FMN1: variants seen among roughly 807,000 people sequenced by gnomAD.
The protein encoded by FMN1 is formin 1.
In FMN1, 110 loss-of-function variants were observed where a neutral mutation model predicts 132.4. That is an observed-to-expected ratio of 0.83 (90% CI 0.71 to 0.97). The LOEUF (loss-of-function observed/expected upper bound fraction) is 0.97. Ranked by LOEUF, FMN1 falls within the 50% of genes least tolerant of loss-of-function variation. FMN1 has a pLI of 0.00. For missense variants in FMN1, 1,792 were observed against 1,705.3 expected (o/e 1.05, Z -0.90); for synonymous variants, 722 against 651.7 (o/e 1.11, Z -1.64).
At chr15:32,991,547 C>T (rs745361859) in intron 7 of FMN1, among the ~76,000 whole-genome samples, 6 of 152,152 alleles carry the variant, frequency 3.9e-5, no homozygotes, top group African/African-American at 1.4e-4. Flanking sequence ...GCTGCAGCCT[C>T]GTGTTCTTTC....
In FMN1 at chr15:33,067,201, A is replaced by G. The variant is rs769189545; in HGVS notation, c.2044-2127T>C. ...CTCCCACCTGGTCCTGGCTGGGGCGACGCTCTGTCTGAAGACCACCGTTGC... is the reference window on the plus strand; with the variant it reads ...CTCCCACCTGGTCCTGGCTGGGGCGGCGCTCTGTCTGAAGACCACCGTTGC... On this transcript the variant is annotated intron_variant, in intron 5 of 20. Transcript: ENST00000616417. The G allele has an allele frequency of 3.7e-6, 6 of 1,613,520 alleles. No individual in the cohort carries two copies. The South Asian group carries it at 6.6e-5, about 18-fold the overall frequency.
intron 17 of FMN1, among the ~76,000 whole-genome samples, chr15:32,809,014 G>C (rs2057778430): frequency 6.6e-6 from 1 of 150,876 alleles, no homozygotes; most frequent in East Asian, 1.9e-4. Context: ...TTTATTTGCT[G>C]TTTCAGCTCA....
intron 4 of FMN1, among the ~76,000 whole-genome samples, chr15:33,144,083 G>A (rs1964113690): frequency 6.6e-6 from 1 of 152,122 alleles, no homozygotes; most frequent in Non-Finnish European, 1.5e-5. Flanking sequence ...GAAATGATTG[G>A]GAGGAAGAAA....
intron 6 of FMN1, among the ~76,000 whole-genome samples, chr15:33,020,020 C>T (rs900289496): frequency 1.3e-5 from 2 of 152,142 alleles, no homozygotes; most frequent in African/African-American, 4.8e-5. Flanking sequence ...AGCATGCTGT[C>T]ACCTCTCACT....
chr15:33,145,187 G>T (rs1221013827), intron 4 of FMN1, among the ~76,000 whole-genome samples: 2 of 151,888 alleles, frequency 1.3e-5, no homozygotes, highest in African/African-American at 2.4e-5. Flanking sequence ...GCTGCACAAG[G>T]TGCCTCTTGA....
chr15:33,031,309 G>A (rs150649196), intron 6 of FMN1, among the ~76,000 whole-genome samples: 9 of 152,270 alleles, frequency 5.9e-5, no homozygotes, highest in African/African-American at 2.2e-4. Context: ...ACCATCAGGA[G>A]GAGCCAGCAC....
intron 6 of FMN1, among the ~76,000 whole-genome samples, chr15:33,042,411 G>A (rs1177912430): frequency 6.6e-6 from 1 of 152,094 alleles, no homozygotes; most frequent in Non-Finnish European, 1.5e-5. Context: ...ATACAAGAGT[G>A]TAAGTGCCTA....
At chr15:32,901,069 G>A (rs1325656424) in intron 13 of FMN1, among the ~76,000 whole-genome samples, 1 of 151,972 alleles carries the variant, frequency 6.6e-6, no homozygotes, top group Non-Finnish European at 1.5e-5. Context: ...CAGGAGAATC[G>A]CTTGAGCCCT....
chr15:32,871,570 T>C (rs2059518047), intron 16 of FMN1, among the ~76,000 whole-genome samples: 1 of 152,156 alleles, frequency 6.6e-6, no homozygotes, highest in Non-Finnish European at 1.5e-5. Context: ...GCCACATCTG[T>C]GTCCATACAA....
intron 6 of FMN1, among the ~76,000 whole-genome samples, chr15:33,048,537 T>TA (rs946387734): frequency 2.1e-5 from 3 of 144,354 alleles, no homozygotes; most frequent in East Asian, 2.1e-4. Flanking sequence ...TTGAGACTAC[T>TA]AAAAAAAAAG....
intron 4 of FMN1, among the ~76,000 whole-genome samples, chr15:33,133,580 G>A (rs1224216394): frequency 6.6e-6 from 1 of 152,196 alleles, no homozygotes; most frequent in African/African-American, 2.4e-5. Context: ...AAATAGAGAT[G>A]AGGCTAGATG....
intron 17 of FMN1, among the ~76,000 whole-genome samples, chr15:32,820,285 G>A (rs1057273748): frequency 6.6e-6 from 1 of 152,054 alleles, no homozygotes; most frequent in Non-Finnish European, 1.5e-5. Context: ...CATAAAAAGC[G>A]GGCTCAACCT....
chr15:32,941,698 G>C (rs1187598057), intron 9 of FMN1, among the ~76,000 whole-genome samples: 3 of 152,072 alleles, frequency 2.0e-5, no homozygotes, highest in Non-Finnish European at 2.9e-5. Context: ...TATTTTACCT[G>C]ATGTTTGGCT....
chr15:32,888,161 G>C lies in FMN1; in HGVS notation c.3835+11C>G. On this transcript the variant is annotated intron_variant, in intron 16 of 20. Transcript: ENST00000616417. ...TAGCTATTATCATAATAGCAGAACAGTTCCTATTACCTTCTAGTTGCCTCT... is the reference window on the plus strand; with the variant it reads ...TAGCTATTATCATAATAGCAGAACACTTCCTATTACCTTCTAGTTGCCTCT... The C allele has an allele frequency of 6.3e-7, 1 of 1,598,934 alleles. No individual in the cohort carries two copies. Among genetic ancestry groups the C allele is most frequent in the Non-Finnish European group, 8.5e-7 (1 of 1,174,256 alleles).
At chr15:33,187,833 T>C (rs956898088) in intron 2 of FMN1, among the ~76,000 whole-genome samples, 19 of 152,134 alleles carry the variant, frequency 1.2e-4, no homozygotes, top group African/African-American at 4.6e-4. Flanking sequence ...GAAATGAACA[T>C]GGTTTCTAAA....
At chr15:32,919,810 G>A (rs1434474406) in intron 10 of FMN1, among the ~76,000 whole-genome samples, 3 of 152,158 alleles carry the variant, frequency 2.0e-5, no homozygotes, top group Non-Finnish European at 4.4e-5. Context: ...TTACGTTTTA[G>A]ACAACTTGCA....
intron 10 of FMN1, among the ~76,000 whole-genome samples, chr15:32,922,265 G>C (rs1009372526): frequency 1.3e-5 from 2 of 152,152 alleles, no homozygotes; most frequent in African/African-American, 4.8e-5. Flanking sequence ...TTTTGTCCAA[G>C]TGCACTGGAA....
intron 9 of FMN1, among the ~76,000 whole-genome samples, chr15:32,945,040 C>A (rs548028471): frequency 2.6e-5 from 4 of 152,126 alleles, no homozygotes; most frequent in Admixed American, 6.5e-5. Context: ...TTCAAGTCAA[C>A]AGTTGGTGAC....
chr15:33,066,851 A>G, intron 5 of FMN1: 1 of 1,613,850 alleles, frequency 6.2e-7, no homozygotes, highest in Non-Finnish European at 8.5e-7. Context: ...CAGCAGAGAG[A>G]GCTGCTCCAG....
Sources: gnomAD v4.1 joint callset for allele counts (sites outside exome capture counted in the v4.1 genomes callset) on GRCh38, gnomAD v4.1.1 for gene constraint, MANE v1.5 for transcripts, NCBI Gene and HGNC (gene_info 2026-07-23, HGNC 2026-07-21) for gene names.